SAXO1: variants seen among roughly 807,000 people sequenced by gnomAD.
The protein encoded by SAXO1 is 4930500O09Rik.
Under a neutral mutation model 17.5 loss-of-function variants are expected in SAXO1, and 21 were observed. The ratio of observed to expected loss-of-function variants is 1.20; its 90% CI spans 0.85 to 1.72. The LOEUF (loss-of-function observed/expected upper bound fraction) is 1.72, where lower values mean the gene tolerates loss of function less well. Ranked by LOEUF, SAXO1 falls within the 40% of genes most tolerant of loss-of-function variation. SAXO1 has a pLI of 0.00. For synonymous variants in SAXO1, 274 were observed against 216.5 expected (o/e 1.27, Z -2.33); for missense variants, 843 against 596.0 (o/e 1.41, Z -4.32).
chr9:18,972,109 T>C (rs1001507847), intron 1 of SAXO1, among the ~76,000 whole-genome samples: 2 of 152,204 alleles, frequency 1.3e-5, no homozygotes, highest in African/African-American at 4.8e-5. Flanking sequence ...TTAAAGAGCA[T>C]TTCTTACTGG....
At chr9:18,941,442 T>C (rs1831552182) in intron 3 of SAXO1, among the ~76,000 whole-genome samples, 195 bp downstream of exon 3, 1 of 152,148 alleles carries the variant, frequency 6.6e-6, no homozygotes, top group Non-Finnish European at 1.5e-5. Flanking sequence ...GATTTGTTTT[T>C]CAATTATTAA....
intron 1 of SAXO1, among the ~76,000 whole-genome samples, chr9:19,007,939 C>T (rs1588520618): frequency 6.6e-6 from 1 of 151,186 alleles, no homozygotes; most frequent in African/African-American, 2.4e-5. Context: ...ACAAGGGATA[C>T]AGTCTGCAAG....
At chr9:19,007,130 T>C (rs1834514638) in intron 1 of SAXO1, among the ~76,000 whole-genome samples, 1 of 152,010 alleles carries the variant, frequency 6.6e-6, no homozygotes, top group African/African-American at 2.4e-5. Flanking sequence ...GGGTGGATCA[T>C]GAGGTCAAGA....
chr9:19,042,755 G>A (rs1440634980), intron 1 of SAXO1, among the ~76,000 whole-genome samples: 8 of 152,080 alleles, frequency 5.3e-5, no homozygotes, highest in South Asian at 2.1e-4. Context: ...CCCGCTACTC[G>A]GGAGGCTGAG....
At chr9:19,037,187 T>C (rs79783077), upstream of SAXO1, among the ~76,000 whole-genome samples, 5,974 of 152,312 alleles carry the variant, frequency 0.039, 139 homozygotes, top group Non-Finnish European at 0.055. Context: ...TAGCTTGCTT[T>C]TGATTTTACA....
intron 2 of SAXO1, among the ~76,000 whole-genome samples, chr9:18,947,521 C>G (rs116639503): frequency 0.017 from 2,660 of 152,298 alleles, 84 homozygotes; most frequent in African/African-American, 0.061. Context: ...TTAGGATAAA[C>G]GTCTAACACC....
At chr9:19,040,214 C>T (rs1428959037) in intron 1 of SAXO1, among the ~76,000 whole-genome samples, 1 of 152,102 alleles carries the variant, frequency 6.6e-6, no homozygotes, top group Admixed American at 6.6e-5. Context: ...AGTTTACATG[C>T]TTTTCAAAAA....
chr9:18,953,122 C>T (rs1832106810), intron 1 of SAXO1, among the ~76,000 whole-genome samples: 1 of 152,184 alleles, frequency 6.6e-6, no homozygotes, highest in East Asian at 1.9e-4. Context: ...AGCCAAGAAG[C>T]ACTGGCTACC....
rs148008250 is a variant in SAXO1, at chr9:18,964,880, C to T, written c.39-13943G>A. Among the ~76,000 whole-genome samples, 21 of 152,292 alleles carry T rather than the reference C, an allele frequency of 1.4e-4. No individual in the cohort carries two copies. The East Asian group carries it at 3.9e-3, about 28-fold the overall frequency. On this transcript the variant is annotated intron_variant, in intron 1 of 3. Coordinates refer to ENST00000380534, the MANE Select transcript of SAXO1 (RefSeq NM_153707.4). ...TGATTTTAGATCTTTCCTGCTTTCT[C>T]CTGTGTGCATTTGGTGCTATAAATT...
At chr9:18,962,198 G>C (rs1368179621) in intron 1 of SAXO1, among the ~76,000 whole-genome samples, 1 of 152,180 alleles carries the variant, frequency 6.6e-6, no homozygotes, top group East Asian at 1.9e-4. Context: ...CTCCTAAGTA[G>C]CTGGAATTAT....
chr9:18,975,216 AAGCAGGGAGAGTGCAG>A (rs1833094905), intron 1 of SAXO1, among the ~76,000 whole-genome samples: 1 of 6,976 alleles, frequency 1.4e-4, no homozygotes, highest in African/African-American at 5.2e-4. Context: ...CAGGCTGGGG[AAGCAGGGAGAGTGCAG>A]GCTGGGGAAG....
At chr9:19,043,986 A>G (rs1027588552) in intron 1 of SAXO1, among the ~76,000 whole-genome samples, 1 of 152,022 alleles carries the variant, frequency 6.6e-6, no homozygotes, top group Non-Finnish European at 1.5e-5. Context: ...CTCTACTAAA[A>G]ATACAAAAAT....
Position 19,040,331 on chromosome 9 carries a change from A to G in SAXO1, c.-158+8878T>C, listed in dbSNP as rs943723332. ...AAGCACCTAATACGACTCATTTAGC[A>G]TGGGTGAAATTTGATTAAAGATGTT... On this transcript the variant is annotated intron_variant, in intron 1 of 3. Transcript: ENST00000542071. Among the ~76,000 whole-genome samples, 3 of 152,318 alleles carry G rather than the reference A, an allele frequency of 2.0e-5. No homozygotes were observed. In the East Asian group the frequency reaches 5.8e-4, roughly 29 times the overall value.
At chr9:19,030,216 G>A (rs1835694958) in intron 1 of SAXO1, among the ~76,000 whole-genome samples, 1 of 152,142 alleles carries the variant, frequency 6.6e-6, no homozygotes, top group South Asian at 2.1e-4. Context: ...GGTCCACTCA[G>A]GGGATGCCAA....
chr9:19,000,331 C>A (rs1389262430), intron 1 of SAXO1, among the ~76,000 whole-genome samples: 1 of 151,188 alleles, frequency 6.6e-6, no homozygotes. Flanking sequence ...TGCCCAGCCA[C>A]CACCCTGTCT....
intron 1 of SAXO1, among the ~76,000 whole-genome samples, chr9:18,997,050 G>T (rs927959632): frequency 1.3e-5 from 2 of 152,142 alleles, no homozygotes; most frequent in African/African-American, 4.8e-5. Flanking sequence ...GGTGATTTCT[G>T]CATTTCCAAC....
At chr9:18,943,552 C>T (rs10963852) in intron 2 of SAXO1, among the ~76,000 whole-genome samples, 3 of 152,238 alleles carry the variant, frequency 2.0e-5, no homozygotes, top group Middle Eastern at 3.4e-3. Flanking sequence ...TGAAAACCAG[C>T]TGAGTGGAAA....
chr9:18,948,812 A>G (rs185415141), intron 2 of SAXO1, among the ~76,000 whole-genome samples: 273 of 152,324 alleles, frequency 1.8e-3, no homozygotes, highest in Non-Finnish European at 3.1e-3. Flanking sequence ...GATAGGAAAT[A>G]TATCAGTGTC....
intron 1 of SAXO1, among the ~76,000 whole-genome samples, chr9:19,012,234 A>T (rs1230519591): frequency 6.6e-6 from 1 of 152,210 alleles, no homozygotes; most frequent in Non-Finnish European, 1.5e-5. Context: ...GAGAAGAAAA[A>T]CTAGAGAAAA....
Sources: gnomAD v4.1 joint callset for allele counts (sites outside exome capture counted in the v4.1 genomes callset) on GRCh38, gnomAD v4.1.1 for gene constraint, MANE v1.5 for transcripts, NCBI Gene and HGNC (gene_info 2026-07-23, HGNC 2026-07-21) for gene names.